ATP6V1A: variants seen among roughly 807,000 people sequenced by gnomAD.
ATP6V1A encodes the protein ATPase H+ transporting V1 subunit A.
In ATP6V1A, 18 loss-of-function variants were observed where a neutral mutation model predicts 70.1. The ratio of observed to expected loss-of-function variants is 0.26; its 90% CI spans 0.18 to 0.38. ATP6V1A has a LOEUF of 0.38. ATP6V1A is among the 10% of genes least tolerant of loss of function. The pLI is 1.00. For missense variants in ATP6V1A, 424 were observed against 772.4 expected (o/e 0.55, Z 5.35); for synonymous variants, 232 against 253.8 (o/e 0.91, Z 0.82).
At chr3:113,792,407 G>C (rs1709105885) in intron 8 of ATP6V1A, among the ~76,000 whole-genome samples, 1 of 151,870 alleles carries the variant, frequency 6.6e-6, no homozygotes, top group Non-Finnish European at 1.5e-5. Context: ...GCATGTTCAT[G>C]GCTCACTGCA....
At chr3:113,786,143 TA>T in intron 5 of ATP6V1A, 88 bp from the exon 6 acceptor site, 1 of 1,272,716 alleles carries the variant, frequency 7.9e-7, no homozygotes, top group Non-Finnish European at 1.1e-6. Flanking sequence ...ATCACCTTCC[TA>T]ACCCCAAGGA....
intron 13 of ATP6V1A, among the ~76,000 whole-genome samples, chr3:113,804,200 C>G (rs1283441106): frequency 6.6e-6 from 1 of 151,786 alleles, no homozygotes; most frequent in Non-Finnish European, 1.5e-5. Flanking sequence ...GCCATGTTGC[C>G]CAGGCTGGTC....
At chr3:113,769,726 G>A (rs1708812578) in intron 1 of ATP6V1A, among the ~76,000 whole-genome samples, 1 of 152,164 alleles carries the variant, frequency 6.6e-6, no homozygotes, top group Non-Finnish European at 1.5e-5. Flanking sequence ...GCCTGTTGGG[G>A]AGAGGCTGAT....
At chr3:113,751,389 T>C (rs779337575) in intron 1 of ATP6V1A, among the ~76,000 whole-genome samples, 3 of 151,778 alleles carry the variant, frequency 2.0e-5, no homozygotes, top group Non-Finnish European at 4.4e-5. Context: ...TGAATCACTT[T>C]ATTCCTGAAA....
chr3:113,753,217 A>G (rs564932412), intron 1 of ATP6V1A, among the ~76,000 whole-genome samples: 3 of 152,364 alleles, frequency 2.0e-5, no homozygotes, highest in East Asian at 3.9e-4. Flanking sequence ...AAGGATGTGT[A>G]ACCTTACTAG....
chr3:113,758,712 T>C (rs1411387988), intron 1 of ATP6V1A, among the ~76,000 whole-genome samples: 1 of 152,236 alleles, frequency 6.6e-6, no homozygotes, highest in African/African-American at 2.4e-5. Context: ...CTGAATCATA[T>C]GGTAAGTGTA....
chr3:113,751,404 A>C (rs892690972), intron 1 of ATP6V1A, among the ~76,000 whole-genome samples: 2 of 151,822 alleles, frequency 1.3e-5, no homozygotes, highest in Non-Finnish European at 2.9e-5. Flanking sequence ...CTGAAAAAAA[A>C]AATTACTCAT....
rs1256200264 is a variant in ATP6V1A at position 113,811,051 on chromosome 3, C to T, written c.*1624C>T. ...TAATAATTTATGTGTCTGCATATTG[C>T]AGAACAGCTCTGAGAGCAACAGTTT... On this transcript the variant is annotated 3_prime_UTR_variant, in exon 15 of 15. Coordinates refer to ENST00000273398, the MANE Select transcript of ATP6V1A (RefSeq NM_001690.4). 1 of 152,166 alleles carries T rather than the reference C, an allele frequency of 6.6e-6. No individual in the cohort carries two copies. Among genetic ancestry groups the T allele is most frequent in the Non-Finnish European group, 1.5e-5 (1 of 68,030 alleles). 9.4% of individuals were successfully genotyped at this position (152,166 alleles called of 1,614,324 possible). A position where few individuals can be genotyped will look rare whatever the true frequency, so the allele number is the denominator to read the frequency against.
At chr3:113,778,260 C>T (rs1708938200) in intron 1 of ATP6V1A, among the ~76,000 whole-genome samples, 1 of 152,084 alleles carries the variant, frequency 6.6e-6, no homozygotes. Flanking sequence ...CAGGTATGGT[C>T]ACGTGCACCT....
At chr3:113,750,606 A>G (rs911462173) in intron 1 of ATP6V1A, among the ~76,000 whole-genome samples, 1 of 152,230 alleles carries the variant, frequency 6.6e-6, no homozygotes, top group Admixed American at 6.5e-5. Flanking sequence ...TGGCCCTACC[A>G]CTTAATAACT....
At chr3:113,801,540 G>T (rs1709212105) in intron 12 of ATP6V1A, among the ~76,000 whole-genome samples, 1 of 152,212 alleles carries the variant, frequency 6.6e-6, no homozygotes, top group Non-Finnish European at 1.5e-5. Context: ...CTGGAACCTA[G>T]CAATTCTGTT....
intron 8 of ATP6V1A, among the ~76,000 whole-genome samples, chr3:113,790,909 G>T (rs542713761): frequency 6.6e-6 from 1 of 151,928 alleles, no homozygotes; most frequent in Non-Finnish European, 1.5e-5. Context: ...TTAAATGCTG[G>T]GGACATTAAA....
chr3:113,771,869 G>A (rs1285279486), intron 1 of ATP6V1A, among the ~76,000 whole-genome samples: 1 of 152,122 alleles, frequency 6.6e-6, no homozygotes, highest in African/African-American at 2.4e-5. Flanking sequence ...TTGGATTTCA[G>A]AGAATATACA....
intron 1 of ATP6V1A, among the ~76,000 whole-genome samples, chr3:113,771,585 C>G (rs1236461776): frequency 2.0e-5 from 3 of 151,814 alleles, no homozygotes; most frequent in Non-Finnish European, 4.4e-5. Context: ...CTACAGGTGC[C>G]TGCCACCACA....
intron 1 of ATP6V1A, among the ~76,000 whole-genome samples, chr3:113,763,691 T>C (rs147448668): frequency 6.6e-6 from 1 of 152,370 alleles, no homozygotes; most frequent in African/African-American, 2.4e-5. Flanking sequence ...GACATTTTTC[T>C]CCCATATTTT....
intron 14 of ATP6V1A, among the ~76,000 whole-genome samples, chr3:113,807,618 GA>G (rs558349105): frequency 1.7e-3 from 265 of 152,184 alleles, no homozygotes; most frequent in African/African-American, 6.1e-3. Context: ...GGCACAGAGT[GA>G]AAAAACTTCC....
intron 1 of ATP6V1A, among the ~76,000 whole-genome samples, chr3:113,756,864 G>T (rs1247248244): frequency 6.6e-6 from 1 of 152,126 alleles, no homozygotes; most frequent in African/African-American, 2.4e-5. Context: ...TTAAGAGTGT[G>T]GTAGCTAGCT....
Position 113,784,267 on chromosome 3 carries a change from C to T in ATP6V1A, c.255C>T (p.Pro85=). 1.9e-6 allele frequency: 3 copies of T among 1,614,148 alleles called. No homozygotes were observed. The highest frequency in any genetic ancestry group is 2.5e-6 in the Non-Finnish European group (3 of 1,180,020). The change falls in exon 4 of 15, where the codon CCC becomes CCT. Residue 85 remains proline (P), a synonymous_variant. Coordinates refer to ENST00000273398, the MANE Select transcript of ATP6V1A (RefSeq NM_001690.4). ...VGDPVLRTGK[P]LSVELGPGIM... ...ATCCTGTACTTCGCACTGGTAAACCCCTCTCTGTAGAGCTTGGTCCTGGCA... is the reference window on the plus strand; with the variant it reads ...ATCCTGTACTTCGCACTGGTAAACCTCTCTCTGTAGAGCTTGGTCCTGGCA...
intron 1 of ATP6V1A, among the ~76,000 whole-genome samples, chr3:113,753,244 A>C (rs867536397): frequency 3.3e-5 from 5 of 152,222 alleles, no homozygotes; most frequent in Admixed American, 3.3e-4. Context: ...ATATACTAAC[A>C]ATGAAATATT....
Sources: allele counts gnomAD v4.1 joint callset (sites outside exome capture counted in the v4.1 genomes callset), GRCh38; gene constraint gnomAD v4.1.1; transcripts MANE v1.5; gene names NCBI Gene and HGNC (gene_info 2026-07-23, HGNC 2026-07-21).